The following STOX2 variants were observed in gnomAD, a reference collection of about 807,000 sequenced individuals.
STOX2 encodes the protein storkhead box 2, also known as storkhead-box protein 2.
Under a neutral mutation model 60.9 loss-of-function variants are expected in STOX2, and 28 were observed. The observed-to-expected ratio is 0.46, with a 90% CI of 0.34 to 0.63. The LOEUF is 0.63. STOX2 is among the 30% of genes least tolerant of loss of function. The pLI is 0.01. For missense variants in STOX2, 1,024 were observed against 1,187.7 expected, an observed-to-expected ratio of 0.86 and a Z score of 2.03; for synonymous variants, 472 against 463.9, an observed-to-expected ratio of 1.02 and a Z score of -0.22.
At chr4:183,823,600 G>T (rs994854824) in intron 1 of STOX2, among the ~76,000 whole-genome samples, 1 of 152,182 alleles carries the variant, frequency 6.6e-6, no homozygotes. Flanking sequence ...AATCGTAGTA[G>T]CTCTGGTGAG....
intron 1 of STOX2, among the ~76,000 whole-genome samples, chr4:183,945,513 A>T (rs1200135996): frequency 6.6e-6 from 1 of 152,180 alleles, no homozygotes. Flanking sequence ...AGCAAAAGTT[A>T]GTTGTGCTCA....
intron 1 of STOX2, among the ~76,000 whole-genome samples, chr4:183,913,775 G>T (rs1238724924): frequency 6.6e-6 from 1 of 151,960 alleles, no homozygotes; most frequent in Non-Finnish European, 1.5e-5. Flanking sequence ...TGTCTGGAGT[G>T]TGGGGGTGGA....
chr4:183,835,437 G>A (rs1480702267), intron 1 of STOX2, among the ~76,000 whole-genome samples: 1 of 152,022 alleles, frequency 6.6e-6, no homozygotes, highest in Non-Finnish European at 1.5e-5. Context: ...TGTTAGCCAG[G>A]ATGGTCTTGA....
Position 183,981,029 on chromosome 4 carries a change from T to C in STOX2, c.167-20296T>C, listed in dbSNP as rs143872164. Among the ~76,000 whole-genome samples, 581 of 152,344 alleles carry C rather than the reference T, an allele frequency of 3.8e-3. 11 individuals carry two copies. The highest frequency in any genetic ancestry group is 0.032 in the Admixed American group (492 of 15,306). ...TATATGTTTAAAGCAACAGAAATACTGATGATAGTTTTGAAAACTAATTGG... is the reference window on the plus strand; with the variant it reads ...TATATGTTTAAAGCAACAGAAATACCGATGATAGTTTTGAAAACTAATTGG... On this transcript the variant is annotated intron_variant, in intron 1 of 3. Coordinates refer to ENST00000308497, the MANE Select transcript of STOX2 (RefSeq NM_020225.3).
In STOX2 at chr4:184,017,116, A is replaced by G. The variant is rs764594275; in HGVS notation, c.2613A>G (p.Thr871=). Residue 871 remains threonine, a synonymous_variant, in exon 4 of 4, where the codon ACA becomes ACG. Transcript: ENST00000308497. ...CTCGGGAGAGCCTGGCTTCCAACAC[A>G]TCAAGCATTGTTGAAAGTAACCGTC... ...PRTRESLASN[T]SSIVESNRRQ... The G allele has an allele frequency of 6.2e-7, 1 of 1,613,492 alleles. No individual in the cohort carries two copies. The highest frequency in any genetic ancestry group is 1.3e-5 in the African/African-American group (1 of 74,998).
intron 1 of STOX2, among the ~76,000 whole-genome samples, chr4:183,944,667 T>C (rs758959050): frequency 1.3e-5 from 2 of 152,158 alleles, no homozygotes; most frequent in Non-Finnish European, 2.9e-5. Context: ...TGAGCCAAGA[T>C]CACACCACTG....
At position 183,808,357 on chromosome 4, in the gene STOX2, C is replaced by A. The variant is rs574559316; in HGVS notation, c.364+10302C>A. ...CACTTCCCCTCTGTCCTGGGTTGGT[C>A]GTGATAGGCTGGGAAAGCCTTGGAA... is the stretch of plus-strand genomic sequence containing the variant. On this transcript the variant is annotated intron_variant, in intron 1 of 2. Coordinates refer to the STOX2 transcript ENST00000513034. Among the ~76,000 whole-genome samples, 11 of 152,262 alleles carry A rather than the reference C, an allele frequency of 7.2e-5. No individual in the cohort carries two copies. In the South Asian group the frequency reaches 2.3e-3, roughly 32 times the overall value.
At chr4:183,805,442 TTATAG>T in intron 1 of STOX2, among the ~76,000 whole-genome samples, 1 of 152,200 alleles carries the variant, frequency 6.6e-6, no homozygotes, top group Admixed American at 6.5e-5. Flanking sequence ...ATTTTTTAAT[TTATAG>T]TATACTATAA....
chr4:183,879,001 C>T (rs1740894301), intron 1 of STOX2, among the ~76,000 whole-genome samples: 1 of 150,874 alleles, frequency 6.6e-6, no homozygotes, highest in South Asian at 2.1e-4. Flanking sequence ...TAAAAAAGAA[C>T]AGCCACAGTA....
chr4:183,904,488 C>A (rs1222943509), upstream of STOX2, among the ~76,000 whole-genome samples: 1 of 152,154 alleles, frequency 6.6e-6, no homozygotes, highest in African/African-American at 2.4e-5. Context: ...CTGTTCTTAG[C>A]AGTTCTCTTA....
At position 184,011,458 on chromosome 4, in the gene STOX2, C is replaced by T; in HGVS notation, c.2585+35C>T. The T allele has an allele frequency of 6.3e-7, 1 of 1,589,486 alleles. No individual in the cohort carries two copies. Among genetic ancestry groups the T allele is most frequent in the South Asian group, 1.1e-5 (1 of 87,048 alleles). On this transcript the variant is annotated intron_variant, in intron 3 of 3. Coordinates refer to ENST00000308497, the MANE Select transcript of STOX2 (RefSeq NM_020225.3). This position sits in a 1 kb window ranked among gnomAD's most constrained non-coding sequence, Gnocchi z 4.4. Reference sequence around the variant, plus strand: ...GGTGTCTCTGTGCACACACATGCGCCTAGCGGGGCCTGGGGCTTTATGCAC... The same window carrying T: ...GGTGTCTCTGTGCACACACATGCGCTTAGCGGGGCCTGGGGCTTTATGCAC...
intron 2 of STOX2, among the ~76,000 whole-genome samples, chr4:184,007,584 A>G (rs1733929164): frequency 6.6e-6 from 1 of 152,202 alleles, no homozygotes; most frequent in African/African-American, 2.4e-5. Flanking sequence ...TGAGCTGCCT[A>G]AGGTGGTACC....
upstream of STOX2, among the ~76,000 whole-genome samples, chr4:183,900,695 A>C (rs1741442097): frequency 6.6e-6 from 1 of 152,194 alleles, no homozygotes; most frequent in African/African-American, 2.4e-5. Context: ...TTTTTAAGTA[A>C]AAAATAAAAA....
At chr4:183,875,142 C>T (rs1360342438) in intron 1 of STOX2, among the ~76,000 whole-genome samples, 1 of 151,168 alleles carries the variant, frequency 6.6e-6, no homozygotes, top group African/African-American at 2.4e-5. Flanking sequence ...TGCCTCTTTC[C>T]CTGACCAACA....
At chr4:184,014,408 G>C (rs1054436870) in intron 3 of STOX2, 1 of 152,062 alleles carries the variant, frequency 6.6e-6, no homozygotes, top group Admixed American at 6.5e-5. Context: ...AGGCTGCCAG[G>C]GGTATATCTG....
At position 183,893,297 on chromosome 4, in the gene STOX2, T is replaced by C. The variant is rs564646949; in HGVS notation, c.364+95242T>C. Among the ~76,000 whole-genome samples, 4 of 152,312 alleles carry C rather than the reference T, an allele frequency of 2.6e-5. No individual in the cohort carries two copies. The South Asian group carries it at 6.2e-4, about 24-fold the overall frequency. ...TACAGAAGTGATCACGTGGAAACCC[T>C]GCAGTAGGCTGGGACCAGTGTGGAC... On this transcript the variant is annotated intron_variant, in intron 1 of 2. Coordinates refer to the STOX2 transcript ENST00000513034.
chr4:183,939,598 AT>A lies in STOX2; in HGVS notation c.166+32654del, dbSNP rs1377155742. 5.2e-4 allele frequency among the ~76,000 whole-genome samples: 76 copies of A among 146,872 alleles called. 1 individual carries two copies. Among genetic ancestry groups the A allele is most frequent in the African/African-American group, 9.9e-4 (40 of 40,278 alleles). ...ACTCAGCGACTACAGATGGTCACAG[AT>A]TTTTTTTTTTTCAGAATCACTATTT... is the stretch of plus-strand genomic sequence containing the variant. On this transcript the variant is annotated intron_variant, in intron 1 of 3. Transcript: ENST00000308497.
At chr4:183,992,030 C>T (rs1244745753) in intron 1 of STOX2, among the ~76,000 whole-genome samples, 3 of 152,160 alleles carry the variant, frequency 2.0e-5, no homozygotes, top group Non-Finnish European at 4.4e-5. Flanking sequence ...AATTGTACAG[C>T]GACTTAGACG....
intron 1 of STOX2, among the ~76,000 whole-genome samples, chr4:183,846,709 A>T (rs1212594494): frequency 6.6e-6 from 1 of 152,152 alleles, no homozygotes; most frequent in Admixed American, 6.5e-5. Flanking sequence ...ATTTCAACAT[A>T]TTTAAAATAG....
Sources: gnomAD v4.1 joint callset for allele counts (sites outside exome capture counted in the v4.1 genomes callset) on GRCh38, gnomAD v4.1.1 for gene constraint, Gnocchi (gnomAD v3.1) non-coding constraint, MANE v1.5 for transcripts, NCBI Gene and HGNC (gene_info 2026-07-23, HGNC 2026-07-21) for gene names.